EP300: variants seen among roughly 807,000 people sequenced by gnomAD.
EP300 encodes histone acetyltransferase p300.
EP300 carries 31 observed loss-of-function variants against 264.0 expected under a neutral mutation model. The observed-to-expected ratio is 0.12, with a 90% CI of 0.09 to 0.16. The LOEUF (loss-of-function observed/expected upper bound fraction) is 0.16. Among genes scored for constraint, EP300 ranks in the 10% least tolerant of loss-of-function variants. EP300 has a pLI of 1.00. For synonymous variants in EP300, 1,340 were observed against 1,045.4 expected (o/e 1.28, Z -5.44); for missense variants, 2,766 against 3,052.9 (o/e 0.91, Z 2.21).
intron 22 of EP300, among the ~76,000 whole-genome samples, chr22:41,164,723 A>G (rs965048048): frequency 1.3e-5 from 2 of 152,174 alleles, no homozygotes; most frequent in Admixed American, 6.5e-5. Flanking sequence ...TCAAAGAAAA[A>G]AGTAAATGCT....
intron 1 of EP300, among the ~76,000 whole-genome samples, chr22:41,104,478 C>T (rs552806025): frequency 2.0e-4 from 30 of 152,022 alleles, no homozygotes; most frequent in African/African-American, 5.8e-4. Context: ...TTAGTAGACA[C>T]AGGGTTTTGC....
rs778760907 is a variant in EP300 at position 41,164,054 on chromosome 22, T to C, written c.3730T>C (p.Phe1244Leu). The part of the protein sequence containing the change: ...RKNDTLDPEL[F>L]VECTECGRKM... ...TTGGAATTGGCTCTGCTCTTCCAGG[T>C]TTGTTGAATGTACAGAGTGCGGAAG... The change falls in exon 22 of 31, where the codon TTT becomes CTT. Residue 1244 changes from phenylalanine (F) to leucine (L), a missense_variant and splice_region_variant. By Grantham distance (22) the Phe-to-Leu change is conservative. Coordinates refer to ENST00000263253, the MANE Select transcript of EP300 (RefSeq NM_001429.4). 3.1e-6 allele frequency: 5 copies of C among 1,614,158 alleles called. No homozygotes were observed. In the East Asian group the frequency reaches 1.1e-4, roughly 36 times the overall value.
At chr22:41,096,369 A>C (rs1185291303) in intron 1 of EP300, among the ~76,000 whole-genome samples, 1 of 152,118 alleles carries the variant, frequency 6.6e-6, no homozygotes, top group Non-Finnish European at 1.5e-5. Context: ...TTAATGCCGT[A>C]TGCACTTAAA....
intron 2 of EP300, among the ~76,000 whole-genome samples, chr22:41,121,918 G>A (rs963325276): frequency 5.3e-5 from 8 of 151,996 alleles, no homozygotes. Flanking sequence ...GAATTTTCAT[G>A]CTAATAAGAA....
At position 41,177,152 on chromosome 22, in the gene EP300, G is replaced by A. The variant is rs765425263; in HGVS notation, c.5441G>A (p.Arg1814Gln). Residue 1814 changes from arginine to glutamine, a missense_variant, in exon 31 of 31, where the codon CGG becomes CAG. Transcript: ENST00000263253. ...PFCLNIKQKL[R>Q]QQQLQHRLQQ... ...TGCCTAAACATCAAGCAGAAGCTCCGGCAGCAACAGCTGCAGCACCGACTA... is the reference window on the plus strand; with the variant it reads ...TGCCTAAACATCAAGCAGAAGCTCCAGCAGCAACAGCTGCAGCACCGACTA... The A allele has an allele frequency of 5.6e-6, 9 of 1,613,922 alleles. No individual in the cohort carries two copies. The highest frequency in any genetic ancestry group is 2.2e-5 in the East Asian group (1 of 44,860).
chr22:41,154,206 C>G (rs1357849238), intron 16 of EP300, among the ~76,000 whole-genome samples: 1 of 151,794 alleles, frequency 6.6e-6, no homozygotes, highest in Middle Eastern at 3.2e-3. Context: ...TCTAAAATAC[C>G]AAGCATTTGA....
chr22:41,155,881 T>A (rs761753810), intron 17 of EP300, among the ~76,000 whole-genome samples: 2 of 152,254 alleles, frequency 1.3e-5, no homozygotes, highest in Non-Finnish European at 2.9e-5. Flanking sequence ...TTAGGTTGTT[T>A]ACACGTTTTG....
chr22:41,151,139 A>G (rs979590389), intron 14 of EP300, among the ~76,000 whole-genome samples: 6 of 152,126 alleles, frequency 3.9e-5, no homozygotes, highest in Non-Finnish European at 7.3e-5. Flanking sequence ...GTTCTCAGCC[A>G]TGTTGATGAA....
chr22:41,146,186 A>G (rs1346892250), intron 10 of EP300, among the ~76,000 whole-genome samples: 6 of 140,126 alleles, frequency 4.3e-5, no homozygotes, highest in Admixed American at 7.6e-5. Flanking sequence ...TTTTTTTGAG[A>G]CAGAGTCTTG....
intron 1 of EP300, among the ~76,000 whole-genome samples, chr22:41,098,192 T>G (rs955636892): frequency 6.6e-6 from 1 of 152,118 alleles, no homozygotes; most frequent in Admixed American, 6.5e-5. Context: ...CGCAGGTGAT[T>G]TTTTTTCGCT....
Position 41,169,518 on chromosome 22 carries a change from T to G in EP300, c.4188T>G (p.Ser1396=). ...PPPNQRRVYI[S]YLDSVHFFRP... ...TTTTGTATAGGAGAGTATACATATC[T>G]TACCTCGATAGTGTTCATTTCTTCC... The change falls in exon 26 of 31, where the codon TCT becomes TCG. Residue 1396 remains serine, a synonymous_variant. Coordinates refer to ENST00000263253, the MANE Select transcript of EP300 (RefSeq NM_001429.4). 6.2e-7 allele frequency: 1 copy of G among 1,607,004 alleles called. No homozygotes were observed.
chr22:41,125,806 A>G (rs1265201767), intron 2 of EP300, 58 bp from the exon 3 acceptor site: 13 of 1,547,148 alleles, frequency 8.4e-6, no homozygotes, highest in Non-Finnish European at 1.2e-5. Flanking sequence ...TCAGAAAAGG[A>G]ATAATAATGT....
chr22:41,149,106 C>G lies in EP300; in HGVS notation c.2310C>G (p.Phe770Leu). 1 of 1,613,366 alleles carries G rather than the reference C, an allele frequency of 6.2e-7. No homozygotes were observed. The highest frequency in any genetic ancestry group is 8.5e-7 in the Non-Finnish European group (1 of 1,179,854). Residue 770 changes from phenylalanine (F) to leucine (L), a missense_variant, in exon 13 of 31, where the codon TTC becomes TTG. Phe to Leu is a conservative substitution (Grantham distance 22). Transcript: ENST00000263253. ...GCCAGTTCCTTCCTCAGACTCAGTT[C>G]CCATCACAGGGAATGAATGTAACAA... ...NQGQFLPQTQ[F>L]PSQGMNVTNI... is the part of the protein sequence containing the mutation.
chr22:41,167,814 G>GGTTTTTGTTT (rs71328778), intron 23 of EP300, among the ~76,000 whole-genome samples: 1 of 66,208 alleles, frequency 1.5e-5, no homozygotes, highest in African/African-American at 6.4e-5. Context: ...GTTTGTTTTT[G>GGTTTTTGTTT]TTTTTTTTTT....
At chr22:41,161,110 A>G (rs1044693033) in intron 20 of EP300, among the ~76,000 whole-genome samples, 2 of 152,232 alleles carry the variant, frequency 1.3e-5, no homozygotes, top group African/African-American at 4.8e-5. Flanking sequence ...AGAAAACATC[A>G]TTATTAACTG....
intron 2 of EP300, among the ~76,000 whole-genome samples, chr22:41,120,881 GTTATTT>G (rs2058848616): frequency 6.6e-6 from 1 of 152,112 alleles, no homozygotes. Flanking sequence ...TGCCCTGCCA[GTTATTT>G]TTATTTTTGT....
At chr22:41,111,057 C>A (rs917059666) in intron 1 of EP300, among the ~76,000 whole-genome samples, 1 of 151,760 alleles carries the variant, frequency 6.6e-6, no homozygotes, top group Middle Eastern at 3.4e-3. Context: ...ACTCTGCCTC[C>A]TGGATGCAAG....
In EP300 at chr22:41,154,403, A is replaced by G. The variant is rs545744223; in HGVS notation, c.3143-592A>G. Among the ~76,000 whole-genome samples the G allele has an allele frequency of 1.4e-3, 33 of 24,292 alleles. No individual in the cohort carries two copies. In the East Asian group the frequency reaches 0.041, roughly 30 times the overall value. The allele number at this position is 24,292 out of a possible 152,430, so 15.9% of individuals were successfully genotyped here. On this transcript the variant is annotated intron_variant, in intron 16 of 30. Coordinates refer to ENST00000263253, the MANE Select transcript of EP300 (RefSeq NM_001429.4). ...TTTTTTTTTTTTTTTTTTTTTTGAG[A>G]TGGGGCCTCATTCTGTTGCCTAGGC...
At chr22:41,147,068 G>A (rs1025411891) in intron 11 of EP300, among the ~76,000 whole-genome samples, 19 of 152,114 alleles carry the variant, frequency 1.2e-4, no homozygotes, top group African/African-American at 4.6e-4. Flanking sequence ...ACTTTGGGAG[G>A]CCGAGGCTGG....
Sources: gnomAD v4.1 joint callset for allele counts (sites outside exome capture counted in the v4.1 genomes callset) on GRCh38, gnomAD v4.1.1 for gene constraint, MANE v1.5 for transcripts, NCBI Gene and HGNC (gene_info 2026-07-23, HGNC 2026-07-21) for gene names.